The following ARID1B variants were observed in gnomAD, a reference collection of about 807,000 sequenced individuals.
ARID1B encodes the protein AT-rich interactive domain-containing protein 1B.
Under a neutral mutation model 212.3 loss-of-function variants are expected in ARID1B, and 30 were observed. The observed-to-expected ratio is 0.14, with a 90% CI of 0.11 to 0.19. The LOEUF is 0.19. Ranked by LOEUF, ARID1B falls within the 10% of genes least tolerant of loss-of-function variation. The pLI is 1.00. For missense variants in ARID1B, 2,891 were observed against 3,204.0 expected (o/e 0.90, Z 2.36); for synonymous variants, 1,402 against 1,301.7 (o/e 1.08, Z -1.66).
At chr6:156,983,964 A>G (rs144092444) in intron 4 of ARID1B, among the ~76,000 whole-genome samples, 1 of 152,062 alleles carries the variant, frequency 6.6e-6, no homozygotes, top group African/African-American at 2.4e-5. Flanking sequence ...TTCCATCTAC[A>G]TATATTGTTA....
At chr6:157,147,216 C>G (rs1457925175) in intron 7 of ARID1B, among the ~76,000 whole-genome samples, 1 of 2,664 alleles carries the variant, frequency 3.8e-4, no homozygotes, top group African/African-American at 1.8e-3. Context: ...CGGCCCTGCC[C>G]TCCGTCCCTC....
intron 3 of ARID1B, among the ~76,000 whole-genome samples, chr6:156,907,118 A>G (rs1298025545): frequency 6.6e-6 from 1 of 152,190 alleles, no homozygotes; most frequent in Non-Finnish European, 1.5e-5. Flanking sequence ...GCTCCCCTGT[A>G]TGCATTCTTT....
At chr6:157,085,754 C>T (rs973691507) in intron 5 of ARID1B, among the ~76,000 whole-genome samples, 1 of 151,596 alleles carries the variant, frequency 6.6e-6, no homozygotes, top group African/African-American at 2.4e-5. Context: ...ACATATATAT[C>T]TCTAAATAAA....
chr6:156,890,643 G>T (rs1462130793), intron 2 of ARID1B, among the ~76,000 whole-genome samples: 1 of 152,214 alleles, frequency 6.6e-6, no homozygotes, highest in Non-Finnish European at 1.5e-5. Context: ...CCAGCTTGTG[G>T]GTGTGGGTGG....
chr6:157,149,406 T>C (rs1010093457), intron 8 of ARID1B: 6 of 178,062 alleles, frequency 3.4e-5, no homozygotes, highest in Non-Finnish European at 7.4e-5. Context: ...TTCGTATGTA[T>C]ACATACGTGT....
intron 2 of ARID1B, among the ~76,000 whole-genome samples, chr6:156,862,964 G>A (rs1785437985): frequency 6.6e-6 from 1 of 152,218 alleles, no homozygotes; most frequent in African/African-American, 2.4e-5. Context: ...GGTGGAGGGT[G>A]GCGTCAGTGC....
intron 4 of ARID1B, among the ~76,000 whole-genome samples, chr6:157,068,120 T>C (rs1562591789): frequency 6.6e-6 from 1 of 152,252 alleles, no homozygotes; most frequent in East Asian, 1.9e-4. Flanking sequence ...TTGGTTCTCT[T>C]ATCTTTCACT....
At position 157,189,748 on chromosome 6, in the gene ARID1B, T is replaced by A; in HGVS notation, c.4026T>A (p.Pro1342=). The A allele has an allele frequency of 3.7e-6, 6 of 1,613,914 alleles. No individual in the cohort carries two copies. Among genetic ancestry groups the A allele is most frequent in the Non-Finnish European group, 1.7e-6 (2 of 1,179,968 alleles). The change falls in exon 14 of 20, where the codon CCT becomes CCA. Residue 1342 remains proline, a synonymous_variant. Transcript: ENST00000636930. The stretch of plus-strand genomic sequence containing the variant: ...AGCCACCTACCCCAGCCTCCACCCC[T>A]CACGGCCAGATGACTCCAATGCAAG... ...DLKPPTPAST[P]HGQMTPMQGG...
chr6:156,874,408 C>A (rs1305084950), intron 2 of ARID1B, among the ~76,000 whole-genome samples: 1 of 152,194 alleles, frequency 6.6e-6, no homozygotes, highest in Non-Finnish European at 1.5e-5. Flanking sequence ...GGCCCTGACT[C>A]TCCTGATTCC....
At chr6:156,965,880 T>G (rs1043454368) in intron 4 of ARID1B, among the ~76,000 whole-genome samples, 12 of 152,362 alleles carry the variant, frequency 7.9e-5, no homozygotes, top group Non-Finnish European at 1.2e-4. Context: ...ATTAGACTTC[T>G]GAAATTTTGT....
intron 1 of ARID1B, among the ~76,000 whole-genome samples, chr6:156,794,530 G>A (rs1416953701): frequency 2.7e-5 from 4 of 150,462 alleles, no homozygotes; most frequent in African/African-American, 9.8e-5. Flanking sequence ...CTGGGAGTCT[G>A]GGCGTAGTCA....
At position 157,174,016 on chromosome 6, in the gene ARID1B, G is replaced by A. The variant is rs758377419; in HGVS notation, c.3244G>A (p.Gly1082Ser). ...CTCCTGTTTTCGATTAGCATCTGTG[G>A]GTCTTGCAGATATGATGTCTCCTGG... The part of the protein sequence containing the change: ...AMVNSSAASV[G>S]LADMMSPGES... The change falls in exon 10 of 20, where the codon GGT becomes AGT. Residue 1082 changes from glycine (G) to serine (S), a missense_variant. Coordinates refer to ENST00000636930, the MANE Select transcript of ARID1B (RefSeq NM_001374828.1). 1 of 1,613,874 alleles carries A rather than the reference G, an allele frequency of 6.2e-7. No individual in the cohort carries two copies. The highest frequency in any genetic ancestry group is 1.1e-5 in the South Asian group (1 of 91,056).
chr6:157,196,776 T>C (rs1481700958), intron 16 of ARID1B, among the ~76,000 whole-genome samples: 1 of 152,226 alleles, frequency 6.6e-6, no homozygotes, highest in Admixed American at 6.5e-5. Flanking sequence ...GGAAAGGTCT[T>C]CCAGGCAGTG....
chr6:157,163,093 GCTTTTCAAAAAAGCAA>G (rs941621031), intron 8 of ARID1B, among the ~76,000 whole-genome samples: 7 of 152,074 alleles, frequency 4.6e-5, no homozygotes, highest in African/African-American at 1.7e-4. Flanking sequence ...TTGTTTTGTT[GCTTTTCAAAAAAGCAA>G]CTGATTTACT....
chr6:156,875,983 G>A (rs1028252567), intron 2 of ARID1B, among the ~76,000 whole-genome samples: 4 of 152,168 alleles, frequency 2.6e-5, no homozygotes, highest in Non-Finnish European at 5.9e-5. Flanking sequence ...TAGTGTTACT[G>A]AAGTGTACTG....
chr6:157,035,324 A>G (rs1373839563), intron 4 of ARID1B, among the ~76,000 whole-genome samples: 1 of 152,228 alleles, frequency 6.6e-6, no homozygotes, highest in African/African-American at 2.4e-5. Flanking sequence ...TATATGTGTA[A>G]TTCACAAGCA....
chr6:156,835,429 C>T (rs910111997), intron 2 of ARID1B, among the ~76,000 whole-genome samples: 10 of 151,598 alleles, frequency 6.6e-5, no homozygotes, highest in South Asian at 2.1e-4. Context: ...AGCCTTTTTC[C>T]GAAAAGTGAG....
chr6:156,930,825 A>G (rs1482022233), intron 3 of ARID1B, among the ~76,000 whole-genome samples: 1 of 152,220 alleles, frequency 6.6e-6, no homozygotes, highest in East Asian at 1.9e-4. Flanking sequence ...AGTTGTATAT[A>G]AAGGAAAAAG....
In ARID1B at chr6:156,778,217, T is replaced by C. The variant is rs1211976987; in HGVS notation, c.537T>C (p.His179=). The change falls in exon 1 of 20, where the codon CAT becomes CAC. Residue 179 remains histidine, a synonymous_variant. Transcript: ENST00000636930. ...HHHHAHHHHH[H]AHHLHHHHAL... ...ACCATGCCCACCACCACCACCACCATGCCCACCACCTCCACCACCACCACG... is the reference window on the plus strand; with the variant it reads ...ACCATGCCCACCACCACCACCACCACGCCCACCACCTCCACCACCACCACG... 2 of 1,528,532 alleles carry C rather than the reference T, an allele frequency of 1.3e-6. No individual in the cohort carries two copies. Among genetic ancestry groups the C allele is most frequent in the Admixed American group, 2.0e-5 (1 of 50,684 alleles). The allele number at this position is 1,528,532 out of a possible 1,614,324, so 94.7% of individuals were successfully genotyped here. A position where few individuals can be genotyped will look rare whatever the true frequency, so the allele number is the denominator to read the frequency against.
Sources: gnomAD v4.1 joint callset for allele counts (sites outside exome capture counted in the v4.1 genomes callset) on GRCh38, gnomAD v4.1.1 for gene constraint, MANE v1.5 for transcripts, NCBI Gene and HGNC (gene_info 2026-07-23, HGNC 2026-07-21) for gene names.